Variants in RTN4RL1 observed in about 807,000 individuals in gnomAD.
RTN4RL1 encodes the protein reticulon-4 receptor-like 1.
In RTN4RL1, 7 loss-of-function variants were observed where a neutral mutation model predicts 25.6. The observed-to-expected ratio is 0.27, with a 90% CI of 0.16 to 0.51. The LOEUF (loss-of-function observed/expected upper bound fraction) is 0.51. Among genes scored for constraint, RTN4RL1 ranks in the 20% least tolerant of loss-of-function variants. RTN4RL1 has a pLI of 0.97. For synonymous variants in RTN4RL1, 297 were observed against 288.2 expected, an observed-to-expected ratio of 1.03 and a Z score of -0.31; for missense variants, 500 against 615.6, an observed-to-expected ratio of 0.81 and a Z score of 1.99.
At chr17:2,016,347 C>T (rs1163148374) in intron 1 of RTN4RL1, among the ~76,000 whole-genome samples, 2 of 152,152 alleles carry the variant, frequency 1.3e-5, no homozygotes, top group Non-Finnish European at 2.9e-5. Context: ...CACCACTGCA[C>T]TCCAGCCTGG....
chr17:1,940,196 C>T (rs944659458), intron 1 of RTN4RL1, among the ~76,000 whole-genome samples: 7 of 152,240 alleles, frequency 4.6e-5, no homozygotes, highest in Admixed American at 3.9e-4. Context: ...TGTAATCACC[C>T]GGCTTCGACT....
Position 1,935,595 on chromosome 17 carries a change from T to G in RTN4RL1, c.*901A>C. The G allele has an allele frequency of 1.0e-6, 1 of 984,934 alleles. No homozygotes were observed. Among genetic ancestry groups the G allele is most frequent in the East Asian group, 1.1e-4 (1 of 8,794 alleles). The allele number at this position is 984,934 out of a possible 1,614,324, so 61.0% of individuals were successfully genotyped here. A position where few individuals can be genotyped will look rare whatever the true frequency, so the allele number is the denominator to read the frequency against. On this transcript the variant is annotated 3_prime_UTR_variant, in exon 2 of 2. Transcript: ENST00000331238. ...AGACAAAAATTCTATCACTTTGTTT[T>G]TGCTAGAAATCACCAATACAATCCT...
intron 1 of RTN4RL1, among the ~76,000 whole-genome samples, chr17:1,996,727 G>A (rs1052121827): frequency 2.6e-5 from 4 of 152,170 alleles, no homozygotes; most frequent in Admixed American, 6.5e-5. Context: ...TCAATCTGGC[G>A]GAGATATCAG....
At chr17:1,983,086 T>C (rs2066874355) in intron 1 of RTN4RL1, among the ~76,000 whole-genome samples, 1 of 151,466 alleles carries the variant, frequency 6.6e-6, no homozygotes, top group Admixed American at 6.6e-5. Context: ...AGTCTCGCCC[T>C]GTCACCCAGG....
intron 1 of RTN4RL1, among the ~76,000 whole-genome samples, chr17:2,005,866 G>A (rs1318289121): frequency 6.0e-5 from 9 of 148,764 alleles, no homozygotes; most frequent in African/African-American, 7.5e-5. Flanking sequence ...GCGCAATCTC[G>A]GTTCACTGCA....
chr17:1,966,490 C>T (rs148201229), intron 1 of RTN4RL1, among the ~76,000 whole-genome samples: 1 of 152,112 alleles, frequency 6.6e-6, no homozygotes, highest in African/African-American at 2.4e-5. Context: ...GATTCTGACC[C>T]GGAATCCAAG....
At chr17:2,018,294 C>T (rs1055373730) in intron 1 of RTN4RL1, among the ~76,000 whole-genome samples, 8 of 152,172 alleles carry the variant, frequency 5.3e-5, no homozygotes, top group East Asian at 3.9e-4. Context: ...TCCTCAGGGG[C>T]GTGAAAGCAG....
At chr17:1,978,421 A>G (rs1419590026) in intron 1 of RTN4RL1, among the ~76,000 whole-genome samples, 1 of 152,254 alleles carries the variant, frequency 6.6e-6, no homozygotes, top group Non-Finnish European at 1.5e-5. Flanking sequence ...CTCGTGGAGC[A>G]GAAGCCTTTA....
intron 1 of RTN4RL1, among the ~76,000 whole-genome samples, chr17:1,971,287 T>C (rs141427829): frequency 2.0e-5 from 3 of 152,308 alleles, no homozygotes; most frequent in African/African-American, 7.2e-5. Flanking sequence ...GAAGGATGTG[T>C]TTGCTTCCCC....
Position 2,006,544 on chromosome 17 carries a change from C to T in RTN4RL1, c.13+18309G>A, listed in dbSNP as rs149886924. ...CATGGTTCACCGTAGCCTTGACCTACCAGGCTCAAGTGACCCTCCCGCCTC... is the reference window on the plus strand; with the variant it reads ...CATGGTTCACCGTAGCCTTGACCTATCAGGCTCAAGTGACCCTCCCGCCTC... On this transcript the variant is annotated intron_variant, in intron 1 of 1. Transcript: ENST00000331238. Among the ~76,000 whole-genome samples, 1,116 of 152,240 alleles carry T rather than the reference C, an allele frequency of 7.3e-3. 8 individuals are homozygous for T. The highest frequency in any genetic ancestry group is 0.012 in the Non-Finnish European group (785 of 68,004).
intron 1 of RTN4RL1, among the ~76,000 whole-genome samples, chr17:1,956,247 G>A (rs915109093): frequency 6.6e-6 from 1 of 152,150 alleles, no homozygotes; most frequent in Admixed American, 6.5e-5. Context: ...AGGTAAACAG[G>A]CACTCGTCAA....
chr17:1,999,926 G>A (rs1363530169), intron 1 of RTN4RL1, among the ~76,000 whole-genome samples: 1 of 152,206 alleles, frequency 6.6e-6, no homozygotes, highest in Non-Finnish European at 1.5e-5. Flanking sequence ...CCTGTCCCCA[G>A]GGGGGCAGGC....
intron 1 of RTN4RL1, among the ~76,000 whole-genome samples, chr17:1,969,332 C>G (rs7220477): frequency 6.6e-6 from 1 of 152,030 alleles, no homozygotes; most frequent in Non-Finnish European, 1.5e-5. Context: ...GCTGGGATTA[C>G]AGGCATGAGC....
chr17:2,001,227 T>C (rs899382698), intron 1 of RTN4RL1, among the ~76,000 whole-genome samples: 1 of 150,428 alleles, frequency 6.6e-6, no homozygotes. Context: ...GACACTGGAC[T>C]ATGTTTAGCT....
chr17:1,989,168 G>T (rs1008011541), intron 1 of RTN4RL1, among the ~76,000 whole-genome samples: 3 of 152,124 alleles, frequency 2.0e-5, no homozygotes, highest in Non-Finnish European at 2.9e-5. Context: ...GGTTAGCGGC[G>T]GCGGGGGAAA....
chr17:1,956,931 G>A (rs184595189), intron 1 of RTN4RL1, among the ~76,000 whole-genome samples: 101 of 152,060 alleles, frequency 6.6e-4, no homozygotes, highest in African/African-American at 2.3e-3. Flanking sequence ...GTACAGACGG[G>A]TTTTCACCAT....
rs555823995 is a variant in RTN4RL1 at position 1,955,686 on chromosome 17, C to T, written c.14-17878G>A. ...GCAACCTCCACCTCCCGGGTTCAAGCGATTCTCCCATCTCAACCTCCTGAG... is the reference window on the plus strand; with the variant it reads ...GCAACCTCCACCTCCCGGGTTCAAGTGATTCTCCCATCTCAACCTCCTGAG... On this transcript the variant is annotated intron_variant, in intron 1 of 1. Coordinates refer to ENST00000331238, the MANE Select transcript of RTN4RL1 (RefSeq NM_178568.4). Among the ~76,000 whole-genome samples, 13 of 151,948 alleles carry T rather than the reference C, an allele frequency of 8.6e-5. No individual in the cohort carries two copies. In the East Asian group the frequency reaches 2.1e-3, roughly 25 times the overall value.
intron 1 of RTN4RL1, among the ~76,000 whole-genome samples, chr17:2,021,093 C>G (rs1477521622): frequency 6.6e-6 from 1 of 152,178 alleles, no homozygotes; most frequent in Non-Finnish European, 1.5e-5. Context: ...GCACTGTCAG[C>G]AGCTTGGTCC....
At chr17:1,997,477 C>T (rs2066934393) in intron 1 of RTN4RL1, among the ~76,000 whole-genome samples, 1 of 152,268 alleles carries the variant, frequency 6.6e-6, no homozygotes, top group African/African-American at 2.4e-5. Context: ...CTGTCGCTCT[C>T]TGGAATGCGA....
Sources: gnomAD v4.1 joint callset for allele counts (sites outside exome capture counted in the v4.1 genomes callset) on GRCh38, gnomAD v4.1.1 for gene constraint, MANE v1.5 for transcripts, NCBI Gene and HGNC (gene_info 2026-07-23, HGNC 2026-07-21) for gene names.